Variants in FAM135B observed in about 807,000 individuals in gnomAD.
The protein encoded by FAM135B is protein FAM135B.
In FAM135B, 43 loss-of-function variants were observed where a neutral mutation model predicts 127.7. That is an observed-to-expected ratio of 0.34 (90% CI 0.26 to 0.43). The LOEUF (loss-of-function observed/expected upper bound fraction) is 0.43. Among genes scored for constraint, FAM135B ranks in the 20% least tolerant of loss-of-function variants. The pLI, the probability that FAM135B is intolerant of heterozygous loss-of-function variation, is 1.00. For synonymous variants in FAM135B, 670 were observed against 665.1 expected (o/e 1.01, Z -0.11); for missense variants, 1,558 against 1,725.6 (o/e 0.90, Z 1.72).
At chr8:138,286,171 T>C (rs1373514588) in intron 3 of FAM135B, among the ~76,000 whole-genome samples, 1 of 152,226 alleles carries the variant, frequency 6.6e-6, no homozygotes, top group Non-Finnish European at 1.5e-5. Flanking sequence ...GGGAAGGACC[T>C]GTTATATAAC....
intron 9 of FAM135B, among the ~76,000 whole-genome samples, chr8:138,179,913 T>C (rs1395408301): frequency 6.6e-6 from 1 of 152,140 alleles, no homozygotes; most frequent in Non-Finnish European, 1.5e-5. Context: ...ACTCCTGGGC[T>C]CAAGTGATCC....
rs138014175 is a variant in FAM135B at position 138,383,817 on chromosome 8, G to A, written c.-19-15815C>T. On this transcript the variant is annotated intron_variant, in intron 1 of 19. Transcript: ENST00000395297. ...CCCTGACCATTGCTGTATAAACACC[G>A]TTCCAATCAAACTGGGTTCCTTACA... 3.3e-3 allele frequency among the ~76,000 whole-genome samples: 502 copies of A among 152,194 alleles called. 3 individuals are homozygous for A. The highest frequency in any genetic ancestry group is 0.011 in the African/African-American group (465 of 41,512).
At chr8:138,143,132 G>T in intron 15 of FAM135B, 23 bp from the exon 16 acceptor site, 1 of 1,394,300 alleles carries the variant, frequency 7.2e-7, no homozygotes, top group Non-Finnish European at 1.0e-6. Context: ...AGAGGAACAG[G>T]TGTTGGGTAT....
At chr8:138,344,047 C>T (rs1168732982) in intron 2 of FAM135B, among the ~76,000 whole-genome samples, 1 of 152,206 alleles carries the variant, frequency 6.6e-6, no homozygotes, top group Admixed American at 6.5e-5. Context: ...AGGAGGGAGG[C>T]AGACGGAGGC....
chr8:138,290,931 A>G (rs1455971282), intron 3 of FAM135B, among the ~76,000 whole-genome samples: 4 of 152,124 alleles, frequency 2.6e-5, no homozygotes, highest in Non-Finnish European at 5.9e-5. Context: ...TCAGCCATGG[A>G]GATTGAGCCT....
chr8:138,447,106 T>C (rs1348710001), intron 1 of FAM135B, among the ~76,000 whole-genome samples: 2 of 151,684 alleles, frequency 1.3e-5, no homozygotes, highest in African/African-American at 2.4e-5. Flanking sequence ...CACAATGAGA[T>C]ACCATCTCAC....
chr8:138,362,576 G>A (rs2131185247), intron 2 of FAM135B, among the ~76,000 whole-genome samples: 1 of 152,232 alleles, frequency 6.6e-6, no homozygotes, highest in Admixed American at 6.5e-5. Flanking sequence ...TGTCAGCTGT[G>A]TGTACTTGGG....
At chr8:138,465,689 G>A (rs1427563921) in intron 1 of FAM135B, among the ~76,000 whole-genome samples, 1 of 152,118 alleles carries the variant, frequency 6.6e-6, no homozygotes, top group African/African-American at 2.4e-5. Context: ...TCTCAGCTGA[G>A]TGTGACTTGT....
chr8:138,276,672 C>A (rs1378463480), intron 3 of FAM135B, among the ~76,000 whole-genome samples: 1 of 152,232 alleles, frequency 6.6e-6, no homozygotes, highest in Admixed American at 6.5e-5. Flanking sequence ...ACAGCACATT[C>A]TCATCTGTAC....
chr8:138,476,925 T>C (rs1396592073), intron 1 of FAM135B, among the ~76,000 whole-genome samples: 1 of 152,066 alleles, frequency 6.6e-6, no homozygotes, highest in Admixed American at 6.5e-5. Flanking sequence ...TTACTTTGGG[T>C]TTTCCCGATT....
At chr8:138,444,183 C>T (rs185929730) in intron 1 of FAM135B, among the ~76,000 whole-genome samples, 2 of 152,262 alleles carry the variant, frequency 1.3e-5, no homozygotes, top group Admixed American at 6.5e-5. Flanking sequence ...GAGACTTAGG[C>T]TCCCACACAA....
intron 1 of FAM135B, among the ~76,000 whole-genome samples, chr8:138,414,996 G>A (rs1834060960): frequency 6.6e-6 from 1 of 152,104 alleles, no homozygotes; most frequent in South Asian, 2.1e-4. Context: ...TAGCAACTCG[G>A]GATAAGCAGT....
rs543510392 is a variant in FAM135B at position 138,170,850 on chromosome 8, C to A, written c.1104-2801G>T. On this transcript the variant is annotated intron_variant, in intron 11 of 19. Coordinates refer to ENST00000395297, the MANE Select transcript of FAM135B (RefSeq NM_015912.4). ...TACCCTTAATGTGGGTGGCACCATCCAATTAGTTGGGTCCCGGATGAAATG... is the reference window on the plus strand; with the variant it reads ...TACCCTTAATGTGGGTGGCACCATCAAATTAGTTGGGTCCCGGATGAAATG... 1.5e-4 allele frequency among the ~76,000 whole-genome samples: 23 copies of A among 152,194 alleles called. 1 individual carries two copies. Among genetic ancestry groups the A allele is most frequent in the Admixed American group, 4.6e-4 (7 of 15,292 alleles).
chr8:138,335,288 T>G (rs1828488325), intron 2 of FAM135B, among the ~76,000 whole-genome samples: 1 of 152,206 alleles, frequency 6.6e-6, no homozygotes, highest in East Asian at 1.9e-4. Context: ...CACTCAGTAC[T>G]TAAAACGATT....
At chr8:138,358,202 C>T (rs1512392) in intron 2 of FAM135B, 149,539 of 152,220 alleles carry the variant, frequency 0.98, 73,520 homozygotes, top group East Asian at 1. Flanking sequence ...AGGTTCTTCC[C>T]ACAACACATG....
chr8:138,375,385 T>TTG lies in FAM135B; in HGVS notation c.-19-7385_-19-7384dup, dbSNP rs373922598. ...GCCTCTATAGTCTCTCTCTGTGTGT[T>TTG]TGTGTGTGTGTGTGTATATGTGTGT... On this transcript the variant is annotated intron_variant, in intron 1 of 19. Transcript: ENST00000395297. Among the ~76,000 whole-genome samples the TTG allele has an allele frequency of 9.0e-3, 1,371 of 151,556 alleles. 19 individuals are homozygous for TTG. Among genetic ancestry groups the TTG allele is most frequent in the African/African-American group, 0.031 (1,267 of 41,362 alleles).
At chr8:138,487,647 G>A (rs1226270651) in intron 1 of FAM135B, among the ~76,000 whole-genome samples, 4 of 149,036 alleles carry the variant, frequency 2.7e-5, no homozygotes, top group African/African-American at 5.0e-5. Flanking sequence ...GGGTGGGGGC[G>A]GGGCAGGGGC....
chr8:138,408,479 A>G (rs1385791468), intron 1 of FAM135B, among the ~76,000 whole-genome samples: 1 of 152,154 alleles, frequency 6.6e-6, no homozygotes, highest in East Asian at 1.9e-4. Context: ...GCCACTATAG[A>G]ATTGAAAAGA....
At chr8:138,202,135 A>AAAAAAAAAAT (rs1817181087) in intron 7 of FAM135B, among the ~76,000 whole-genome samples, 1 of 151,258 alleles carries the variant, frequency 6.6e-6, no homozygotes, top group African/African-American at 2.4e-5. Context: ...CAAAAAAAAA[A>AAAAAAAAAAT]AAAAAGGCAC....
Sources: allele counts gnomAD v4.1 joint callset (sites outside exome capture counted in the v4.1 genomes callset), GRCh38; gene constraint gnomAD v4.1.1; transcripts MANE v1.5; gene names NCBI Gene and HGNC (gene_info 2026-07-23, HGNC 2026-07-21).